Variants in SEPTIN7 observed in about 807,000 individuals in gnomAD.
SEPTIN7 encodes septin-7.
Under a neutral mutation model 63.3 loss-of-function variants are expected in SEPTIN7, and 10 were observed. The ratio of observed to expected loss-of-function variants is 0.16; its 90% CI spans 0.10 to 0.27. The LOEUF (loss-of-function observed/expected upper bound fraction) is 0.27. Ranked by LOEUF, SEPTIN7 falls within the 10% of genes least tolerant of loss-of-function variation. The pLI, the probability that SEPTIN7 is intolerant of heterozygous loss-of-function variation, is 1.00. For missense variants in SEPTIN7, 310 were observed against 521.0 expected (o/e 0.59, Z 3.94); for synonymous variants, 131 against 165.3 (o/e 0.79, Z 1.59).
At chr7:35,849,118 A>G (rs1784830942) in intron 3 of SEPTIN7, among the ~76,000 whole-genome samples, 1 of 152,216 alleles carries the variant, frequency 6.6e-6, no homozygotes, top group Non-Finnish European at 1.5e-5. Context: ...GCCTTTTAGT[A>G]TTAGCATGTA....
At chr7:35,886,414 CTGA>C (rs2116309073) in intron 10 of SEPTIN7, among the ~76,000 whole-genome samples, 1 of 89,916 alleles carries the variant, frequency 1.1e-5, no homozygotes, top group East Asian at 3.5e-4. Flanking sequence ...CGAGGCCATC[CTGA>C]TTAGAGGACC....
chr7:35,826,815 T>C (rs1206785329), intron 1 of SEPTIN7, among the ~76,000 whole-genome samples: 5 of 152,108 alleles, frequency 3.3e-5, no homozygotes, highest in African/African-American at 1.2e-4. Flanking sequence ...TTGTTGAAAA[T>C]TAGTATTCAG....
intron 13 of SEPTIN7, among the ~76,000 whole-genome samples, chr7:35,903,547 C>T (rs1788446994): frequency 6.6e-6 from 1 of 152,108 alleles, no homozygotes; most frequent in Admixed American, 6.5e-5. Context: ...CAATTTTTGG[C>T]ACACAAAGGG....
the SEPTIN7 span, among the ~76,000 whole-genome samples, chr7:35,913,700 C>T: frequency 6.6e-6 from 1 of 152,128 alleles, no homozygotes; most frequent in African/African-American, 2.4e-5. Flanking sequence ...AAGCGATCCT[C>T]CAACCTCAGC....
intron 11 of SEPTIN7, among the ~76,000 whole-genome samples, chr7:35,891,585 A>G (rs1441845282): frequency 6.6e-6 from 1 of 152,206 alleles, no homozygotes; most frequent in African/African-American, 2.4e-5. Flanking sequence ...TGTATAGGGC[A>G]CTTGGTTTGA....
chr7:35,908,780 C>T (rs768615044), downstream of SEPTIN7, among the ~76,000 whole-genome samples: 5 of 152,156 alleles, frequency 3.3e-5, no homozygotes, highest in African/African-American at 7.2e-5. Context: ...GAGATTTGCA[C>T]GTAAGTAGAG....
At chr7:35,858,752 C>G (rs1785347527) in intron 3 of SEPTIN7, among the ~76,000 whole-genome samples, 1 of 150,962 alleles carries the variant, frequency 6.6e-6, no homozygotes, top group African/African-American at 2.4e-5. Flanking sequence ...ACGATCTCGG[C>G]TCACTGCAAC....
At chr7:35,914,651 C>CTA in the SEPTIN7 span, among the ~76,000 whole-genome samples, 7 of 109,744 alleles carry the variant, frequency 6.4e-5, no homozygotes, top group African/African-American at 1.7e-4. Context: ...CTCTCTCTCT[C>CTA]TCTCTCTCTA....
intron 3 of SEPTIN7, among the ~76,000 whole-genome samples, chr7:35,835,326 A>G (rs1784026764): frequency 6.6e-6 from 1 of 152,186 alleles, no homozygotes; most frequent in South Asian, 2.1e-4. Flanking sequence ...GGCGGAAATA[A>G]TAGCCATCAT....
chr7:35,909,900 C>T (rs543474502), downstream of SEPTIN7, among the ~76,000 whole-genome samples: 12 of 152,310 alleles, frequency 7.9e-5, no homozygotes, highest in East Asian at 1.2e-3. Context: ...AGGAATTAAG[C>T]GGTTTAGCTG....
At chr7:35,812,963 ATTC>A (rs956255639) in intron 1 of SEPTIN7, among the ~76,000 whole-genome samples, 5 of 152,160 alleles carry the variant, frequency 3.3e-5, no homozygotes, top group African/African-American at 1.2e-4. Context: ...AGCTCCCCAT[ATTC>A]TTCTGATTAT....
the SEPTIN7 span, among the ~76,000 whole-genome samples, chr7:35,912,227 G>A: frequency 6.6e-6 from 1 of 152,336 alleles, no homozygotes; most frequent in South Asian, 2.1e-4. Flanking sequence ...GCCCACGCTG[G>A]AAGGTTGTGG....
At chr7:35,834,411 A>T (rs972608057) in intron 3 of SEPTIN7, among the ~76,000 whole-genome samples, 9 of 152,004 alleles carry the variant, frequency 5.9e-5, no homozygotes, top group African/African-American at 1.7e-4. Flanking sequence ...TCAAATAATC[A>T]TCTGATTTTG....
At chr7:35,840,937 T>C (rs150055461) in intron 3 of SEPTIN7, among the ~76,000 whole-genome samples, 41 of 152,366 alleles carry the variant, frequency 2.7e-4, no homozygotes, top group African/African-American at 7.7e-4. Flanking sequence ...GGTACTTTTT[T>C]TCAGTAATTC....
At chr7:35,850,027 CA>C (rs1182757892) in intron 3 of SEPTIN7, among the ~76,000 whole-genome samples, 1 of 152,188 alleles carries the variant, frequency 6.6e-6, no homozygotes, top group Non-Finnish European at 1.5e-5. Context: ...GACAGGACAA[CA>C]TGAACATAAG....
chr7:35,821,871 G>A (rs1320746870), intron 1 of SEPTIN7, among the ~76,000 whole-genome samples: 3 of 151,920 alleles, frequency 2.0e-5, no homozygotes, highest in Non-Finnish European at 2.9e-5. Flanking sequence ...ATCCACCTCC[G>A]GGGTTCAGAT....
At chr7:35,887,865 T>G (rs1326927823) in intron 10 of SEPTIN7, among the ~76,000 whole-genome samples, 1 of 152,236 alleles carries the variant, frequency 6.6e-6, no homozygotes, top group East Asian at 1.9e-4. Flanking sequence ...CTAGTGGATA[T>G]TTAATAAATA....
At position 35,866,023 on chromosome 7, in the gene SEPTIN7, G is replaced by C. The variant is rs75200944; in HGVS notation, c.276+2365G>C. ...GTAATGGAGGTAAGAATATCTCTAG[G>C]AGGATTTTTAAGACAGAAGCCTGTG... On this transcript the variant is annotated intron_variant, in intron 4 of 13. Coordinates refer to ENST00000350320, the MANE Select transcript of SEPTIN7 (RefSeq NM_001788.6). Among the ~76,000 whole-genome samples, 1,363 of 152,246 alleles carry C rather than the reference G, an allele frequency of 9.0e-3. 14 individuals carry two copies. The highest frequency in any genetic ancestry group is 1.0e-2 in the African/African-American group (414 of 41,538).
intron 1 of SEPTIN7, among the ~76,000 whole-genome samples, chr7:35,805,112 C>T (rs1443463722): frequency 6.6e-6 from 1 of 152,124 alleles, no homozygotes; most frequent in Admixed American, 6.5e-5. Flanking sequence ...GAACTCCTGA[C>T]CTCAAGTGAT....
Sources: gnomAD v4.1 joint callset for allele counts (sites outside exome capture counted in the v4.1 genomes callset) on GRCh38, gnomAD v4.1.1 for gene constraint, MANE v1.5 for transcripts, NCBI Gene and HGNC (gene_info 2026-07-23, HGNC 2026-07-21) for gene names.